The following SORCS1 variants were observed in gnomAD, a reference collection of about 807,000 sequenced individuals.
The protein encoded by SORCS1 is sortilin related VPS10 domain containing receptor 1, also known as VPS10 domain-containing receptor SorCS1.
Under a neutral mutation model 146.1 loss-of-function variants are expected in SORCS1, and 60 were observed. The ratio of observed to expected loss-of-function variants is 0.41; its 90% CI spans 0.33 to 0.51. The LOEUF (loss-of-function observed/expected upper bound fraction) is 0.51. Ranked by LOEUF, SORCS1 falls within the 20% of genes least tolerant of loss-of-function variation. The pLI, the probability that SORCS1 is intolerant of heterozygous loss-of-function variation, is 0.21. For missense variants in SORCS1, 1,352 were observed against 1,487.6 expected (o/e 0.91, Z 1.50); for synonymous variants, 637 against 584.0 (o/e 1.09, Z -1.31).
intron 1 of SORCS1, among the ~76,000 whole-genome samples, chr10:107,144,921 G>C (rs1281300496): frequency 6.6e-6 from 1 of 152,114 alleles, no homozygotes; most frequent in East Asian, 1.9e-4. Flanking sequence ...CTGTTAAAAA[G>C]GGGAAAAAAA....
chr10:107,048,121 G>A (rs1959691078), intron 1 of SORCS1, among the ~76,000 whole-genome samples: 1 of 152,124 alleles, frequency 6.6e-6, no homozygotes, highest in African/African-American at 2.4e-5. Flanking sequence ...TGGCTACCTG[G>A]ATGGGGCCTT....
At chr10:107,012,755 T>A (rs1957743200) in intron 1 of SORCS1, among the ~76,000 whole-genome samples, 1 of 152,210 alleles carries the variant, frequency 6.6e-6, no homozygotes. Context: ...TTTTCCTCCA[T>A]CACTTTCTTA....
Position 106,879,456 on chromosome 10 carries a change from T to C in SORCS1, c.627-49783A>G, listed in dbSNP as rs1167700443. Among the ~76,000 whole-genome samples the C allele has an allele frequency of 2.0e-5, 3 of 152,202 alleles. No homozygotes were observed. In the East Asian group the frequency reaches 5.8e-4, roughly 29 times the overall value. ...AACCACATGTGTAGGTGAGTGTAAG[T>C]AGGCAGAATTTTCCCTCCTCCTCTC... is the stretch of plus-strand genomic sequence containing the variant. On this transcript the variant is annotated intron_variant, in intron 2 of 25. Transcript: ENST00000263054.
rs532151689 is a variant in SORCS1, at chr10:107,082,370, A to G, written c.558+81599T>C. On this transcript the variant is annotated intron_variant, in intron 1 of 25. Coordinates refer to ENST00000263054, the MANE Select transcript of SORCS1 (RefSeq NM_052918.5). ...GTTTTTTGTTATTGGTGTTTATACTACTTAATTATCATTTTAATTCACACA... is the reference window on the plus strand; with the variant it reads ...GTTTTTTGTTATTGGTGTTTATACTGCTTAATTATCATTTTAATTCACACA... 1.4e-4 allele frequency among the ~76,000 whole-genome samples: 22 copies of G among 152,240 alleles called. No homozygotes were observed. In the East Asian group the frequency reaches 4.3e-3, roughly 29 times the overall value.
intron 4 of SORCS1, among the ~76,000 whole-genome samples, chr10:106,771,511 A>G (rs2136326902): frequency 6.6e-6 from 1 of 152,366 alleles, no homozygotes; most frequent in East Asian, 1.9e-4. Flanking sequence ...TTATCTGCTC[A>G]GTTTCCAAAT....
chr10:106,811,637 A>T (rs560947633), intron 3 of SORCS1, among the ~76,000 whole-genome samples: 5 of 152,320 alleles, frequency 3.3e-5, no homozygotes, highest in African/African-American at 1.2e-4. Context: ...GCAACTGGGC[A>T]TATCTTTAGG....
chr10:106,574,499 C>T lies in SORCS1; in HGVS notation c.*2921G>A, dbSNP rs1377935758. ...TTACTGCCTTCTGTTTGAGATTCAG[C>T]TGGAATGGCCTAGTACAATGGTTCT... is the stretch of plus-strand genomic sequence containing the variant. On this transcript the variant is annotated 3_prime_UTR_variant, in exon 26 of 26. Transcript: ENST00000263054. 1.3e-5 allele frequency: 2 copies of T among 152,678 alleles called. No homozygotes were observed. The highest frequency in any genetic ancestry group is 4.8e-5 in the African/African-American group (2 of 41,530). The allele number at this position is 152,678 out of a possible 1,614,324, so 9.5% of individuals were successfully genotyped here.
chr10:107,022,414 C>G (rs76672890), intron 1 of SORCS1, among the ~76,000 whole-genome samples: 1 of 152,140 alleles, frequency 6.6e-6, no homozygotes, highest in African/African-American at 2.4e-5. Context: ...GCAGAATTTC[C>G]GAATGTTAGC....
intron 1 of SORCS1, among the ~76,000 whole-genome samples, chr10:107,150,342 C>G (rs1968681020): frequency 6.6e-6 from 1 of 152,172 alleles, no homozygotes; most frequent in African/African-American, 2.4e-5. Flanking sequence ...GTCCGACTTC[C>G]AAAACAAAAT....
intron 1 of SORCS1, among the ~76,000 whole-genome samples, chr10:107,127,078 T>C (rs1206856032): frequency 6.6e-6 from 1 of 152,086 alleles, no homozygotes; most frequent in Non-Finnish European, 1.5e-5. Context: ...CCCAATCTTG[T>C]TTGTGGCAGG....
intron 3 of SORCS1, among the ~76,000 whole-genome samples, chr10:106,807,286 T>C (rs900873891): frequency 2.0e-5 from 3 of 152,228 alleles, no homozygotes; most frequent in African/African-American, 7.2e-5. Flanking sequence ...TGTTTGTGTG[T>C]AGACAGAGAC....
At chr10:106,623,535 C>T (rs535542101) in intron 19 of SORCS1, among the ~76,000 whole-genome samples, 154 of 152,126 alleles carry the variant, frequency 1.0e-3, no homozygotes, top group African/African-American at 3.6e-3. Flanking sequence ...TGAGCCACCA[C>T]GCCCGGCTGA....
At chr10:106,721,492 C>T (rs981359103) in intron 6 of SORCS1, among the ~76,000 whole-genome samples, 1 of 152,110 alleles carries the variant, frequency 6.6e-6, no homozygotes, top group South Asian at 2.1e-4. Flanking sequence ...AATAAAAATT[C>T]TCAACCTCAC....
chr10:106,930,015 G>C (rs1230938286), intron 2 of SORCS1, among the ~76,000 whole-genome samples: 2 of 152,220 alleles, frequency 1.3e-5, no homozygotes, highest in Non-Finnish European at 2.9e-5. Flanking sequence ...GGGAGGCCGA[G>C]GAGGGTGGAT....
rs1056984813 is a variant in SORCS1 at position 106,618,374 on chromosome 10, C to A, written c.2797-102G>T. ...AATAGGCTGTCTAACCCAGCAGAGG[C>A]TCTTCCTGATGTACCACAATGGCAC... On this transcript the variant is annotated intron_variant, in intron 20 of 25. Transcript: ENST00000263054. 2.8e-6 allele frequency: 4 copies of A among 1,446,906 alleles called. No individual in the cohort carries two copies. The Admixed American group carries it at 7.7e-5, about 28-fold the overall frequency. 89.6% of individuals were successfully genotyped at this position (1,446,906 alleles called of 1,614,324 possible). A position where few individuals can be genotyped will look rare whatever the true frequency, so the allele number is the denominator to read the frequency against.
intron 1 of SORCS1, among the ~76,000 whole-genome samples, chr10:107,133,667 T>A (rs966876211): frequency 6.6e-6 from 1 of 152,130 alleles, no homozygotes; most frequent in Non-Finnish European, 1.5e-5. Context: ...CCTCATTGCA[T>A]TTCTTACTTT....
At chr10:107,176,971 T>C in the SORCS1 span, among the ~76,000 whole-genome samples, 4 of 152,148 alleles carry the variant, frequency 2.6e-5, no homozygotes, top group Non-Finnish European at 5.9e-5. Context: ...GTCAATCATA[T>C]GTGTGTGTTT....
chr10:106,961,783 T>C (rs1333785764), intron 1 of SORCS1, among the ~76,000 whole-genome samples: 5 of 152,204 alleles, frequency 3.3e-5, no homozygotes, highest in Non-Finnish European at 7.4e-5. Flanking sequence ...GATTTGTGAA[T>C]AGCCCACCCC....
chr10:106,824,771 T>C (rs1948216712), intron 3 of SORCS1, among the ~76,000 whole-genome samples: 2 of 152,300 alleles, frequency 1.3e-5, no homozygotes, highest in Non-Finnish European at 2.9e-5. Flanking sequence ...TGTTTAATGC[T>C]GGTATGTACC....
Sources: gnomAD v4.1 joint callset for allele counts (sites outside exome capture counted in the v4.1 genomes callset) on GRCh38, gnomAD v4.1.1 for gene constraint, MANE v1.5 for transcripts, NCBI Gene and HGNC (gene_info 2026-07-23, HGNC 2026-07-21) for gene names.